Variants in STRN3 observed in about 807,000 individuals in gnomAD.
STRN3 encodes the protein striatin-3.
A neutral mutation model predicts 95.6 loss-of-function variants in STRN3; 29 were observed. The observed-to-expected ratio is 0.30, with a 90% CI of 0.23 to 0.41. The LOEUF (loss-of-function observed/expected upper bound fraction) is 0.41. STRN3 is among the 10% of genes least tolerant of loss of function. The pLI, the probability that STRN3 is intolerant of heterozygous loss-of-function variation, is 1.00. For missense variants in STRN3, 890 were observed against 972.1 expected (o/e 0.92, Z 1.12); for synonymous variants, 331 against 357.6 (o/e 0.93, Z 0.84).
intron 9 of STRN3, among the ~76,000 whole-genome samples, chr14:30,914,107 A>G (rs6571367): frequency 0.97 from 147,763 of 152,250 alleles, 71,859 homozygotes; most frequent in East Asian, 1. Flanking sequence ...ATAGGTTGTC[A>G]CCAAGTCCTT....
At chr14:30,921,603 C>T (rs917296342) in intron 8 of STRN3, among the ~76,000 whole-genome samples, 2 of 152,110 alleles carry the variant, frequency 1.3e-5, no homozygotes, top group Non-Finnish European at 2.9e-5. Flanking sequence ...CTTTCAACTG[C>T]AAATTTAATG....
intron 1 of STRN3, among the ~76,000 whole-genome samples, chr14:31,002,916 T>C (rs1328705691): frequency 6.6e-6 from 1 of 152,062 alleles, no homozygotes; most frequent in Non-Finnish European, 1.5e-5. Context: ...ATGATGGTAG[T>C]AAAGGTTGCA....
At chr14:30,897,047 C>T (rs762524244) in intron 16 of STRN3, among the ~76,000 whole-genome samples, 55 of 152,144 alleles carry the variant, frequency 3.6e-4, no homozygotes, top group Admixed American at 2.5e-3. Context: ...AGTTACTCTC[C>T]TTTCACTCAG....
At chr14:30,934,139 CAAGGTAA>C (rs1300476995) in intron 7 of STRN3, among the ~76,000 whole-genome samples, 2 of 152,094 alleles carry the variant, frequency 1.3e-5, no homozygotes, top group Non-Finnish European at 2.9e-5. Context: ...TCCTGGCCAA[CAAGGTAA>C]AACCCCGCCT....
chr14:31,017,222 G>A (rs1303556453), intron 1 of STRN3, among the ~76,000 whole-genome samples: 2 of 149,978 alleles, frequency 1.3e-5, no homozygotes, highest in East Asian at 2.0e-4. Flanking sequence ...AATCTAGGCC[G>A]GGCGCAGTGG....
chr14:30,925,118 T>C (rs372647867), intron 8 of STRN3, among the ~76,000 whole-genome samples: 11 of 152,014 alleles, frequency 7.2e-5, no homozygotes, highest in African/African-American at 2.4e-4. Context: ...TAAGATAAAG[T>C]GCATCTCAAT....
chr14:31,002,080 C>G (rs112995675), intron 1 of STRN3, among the ~76,000 whole-genome samples: 1 of 148,416 alleles, frequency 6.7e-6, no homozygotes, highest in Non-Finnish European at 1.5e-5. Flanking sequence ...GCAGGAGAAT[C>G]GCTTGAACCC....
intron 1 of STRN3, among the ~76,000 whole-genome samples, chr14:31,019,786 C>CA (rs1335285377): frequency 2.0e-5 from 3 of 151,868 alleles, no homozygotes; most frequent in Admixed American, 6.6e-5. Context: ...TACAATCCCC[C>CA]AAAAAATCAA....
intron 1 of STRN3, among the ~76,000 whole-genome samples, chr14:30,981,558 C>G (rs1594534748): frequency 1.4e-5 from 2 of 146,990 alleles, no homozygotes; most frequent in East Asian, 4.1e-4. Flanking sequence ...TTATGAGAAT[C>G]ACAAGGTAGC....
intron 1 of STRN3, among the ~76,000 whole-genome samples, chr14:30,974,013 T>C (rs753745847): frequency 2.0e-5 from 3 of 152,210 alleles, no homozygotes; most frequent in Non-Finnish European, 2.9e-5. Flanking sequence ...TAGTCAATGA[T>C]GAAAGACTGA....
chr14:30,997,506 C>T (rs1031652773), intron 1 of STRN3, among the ~76,000 whole-genome samples: 3 of 152,194 alleles, frequency 2.0e-5, no homozygotes, highest in Admixed American at 2.0e-4. Context: ...AACTGCAAAG[C>T]ATCTGTTGTT....
intron 1 of STRN3, among the ~76,000 whole-genome samples, chr14:30,981,084 G>A (rs1216584901): frequency 6.6e-6 from 1 of 152,122 alleles, no homozygotes; most frequent in Non-Finnish European, 1.5e-5. Flanking sequence ...CAGGCAGGAG[G>A]ATCACCTGAA....
At chr14:31,023,979 T>C (rs535205124) in intron 1 of STRN3, among the ~76,000 whole-genome samples, 10 of 152,070 alleles carry the variant, frequency 6.6e-5, no homozygotes, top group South Asian at 4.1e-4. Flanking sequence ...ACTGTACCAA[T>C]AGAATTGAAA....
At chr14:30,984,137 A>AGCC (rs1211021789) in intron 1 of STRN3, among the ~76,000 whole-genome samples, 31 of 56,152 alleles carry the variant, frequency 5.5e-4, no homozygotes, top group Non-Finnish European at 1.0e-3. Flanking sequence ...GCCCCCCCCA[A>AGCC]CCCCCCCCCA....
chr14:30,914,088 T>G (rs543287794), intron 9 of STRN3, among the ~76,000 whole-genome samples: 1 of 152,312 alleles, frequency 6.6e-6, no homozygotes. Context: ...TAGTATTTTT[T>G]AAATGTTAAT....
intron 1 of STRN3, among the ~76,000 whole-genome samples, chr14:30,989,797 T>C (rs1364644804): frequency 6.6e-6 from 1 of 151,898 alleles, no homozygotes. Flanking sequence ...GAGATTCCAA[T>C]GCATAATTCC....
At chr14:31,012,708 A>G (rs1883024946) in intron 1 of STRN3, among the ~76,000 whole-genome samples, 1 of 152,154 alleles carries the variant, frequency 6.6e-6, no homozygotes, top group Non-Finnish European at 1.5e-5. Context: ...CCTGAGCAAC[A>G]TGGTGAAACC....
In STRN3 at chr14:30,905,434, T is replaced by C; in HGVS notation, c.2013A>G (p.Ser671=). 6.2e-7 allele frequency: 1 copy of C among 1,602,608 alleles called. No individual in the cohort carries two copies. The highest frequency in any genetic ancestry group is 1.3e-5 in the African/African-American group (1 of 74,670). The change falls in exon 15 of 18, where the codon TCA becomes TCG. Residue 671 remains serine (S), a synonymous_variant. Transcript: ENST00000357479. ...LETSQSLVIL[S]SQVDSGLQSN... ...AAAACTTACCAGAATCTACCTGTGA[T>C]GAAAGTATCACCAATGACTGTGATG...
chr14:30,894,882 A>G lies in STRN3; in HGVS notation c.*529T>C. On this transcript the variant is annotated 3_prime_UTR_variant, in exon 18 of 18. Coordinates refer to ENST00000357479, the MANE Select transcript of STRN3 (RefSeq NM_001083893.2). ...CTAATGCTAAAATATTTTAAGTTAA[A>G]TTTTCTTTTTCTTTTTTTTTTTTTT... The G allele has an allele frequency of 1.1e-6, 1 of 869,698 alleles. No homozygotes were observed. The highest frequency in any genetic ancestry group is 1.5e-6 in the Non-Finnish European group (1 of 671,814). 53.9% of individuals were successfully genotyped at this position (869,698 alleles called of 1,614,324 possible). A position where few individuals can be genotyped will look rare whatever the true frequency, so the allele number is the denominator to read the frequency against.
Sources: allele counts gnomAD v4.1 joint callset (sites outside exome capture counted in the v4.1 genomes callset), GRCh38; gene constraint gnomAD v4.1.1; transcripts MANE v1.5; gene names NCBI Gene and HGNC (gene_info 2026-07-23, HGNC 2026-07-21).